Variants in PRDM16 observed in about 807,000 individuals in gnomAD.
PRDM16 encodes PR/SET domain 16.
A neutral mutation model predicts 110.6 loss-of-function variants in PRDM16; 23 were observed. The observed-to-expected ratio is 0.21, with a 90% CI of 0.15 to 0.29. PRDM16 has a LOEUF of 0.29. Ranked by LOEUF, PRDM16 falls within the 10% of genes least tolerant of loss-of-function variation. PRDM16 has a pLI of 1.00. For missense variants in PRDM16, 1,615 were observed against 1,794.3 expected (o/e 0.90, Z 1.81); for synonymous variants, 799 against 781.8 (o/e 1.02, Z -0.37).
chr1:3,092,470 G>A (rs992123729), intron 1 of PRDM16, among the ~76,000 whole-genome samples: 12 of 151,928 alleles, frequency 7.9e-5, no homozygotes, highest in Admixed American at 7.9e-4. Context: ...TCAGGATCGG[G>A]GCATTGTGAC....
intron 4 of PRDM16, among the ~76,000 whole-genome samples, chr1:3,388,627 C>A (rs1177339299): frequency 6.6e-6 from 1 of 152,120 alleles, no homozygotes; most frequent in African/African-American, 2.4e-5. Flanking sequence ...GGAGAGAGGC[C>A]GCTCTGAACT....
intron 16 of PRDM16, 72 bp downstream of exon 16, chr1:3,432,212 C>T: frequency 7.2e-7 from 1 of 1,384,520 alleles, no homozygotes; most frequent in Non-Finnish European, 1.0e-6. Flanking sequence ...GCACTCCTCT[C>T]CCGCCGTGGC....
intron 1 of PRDM16, among the ~76,000 whole-genome samples, chr1:3,152,011 C>T (rs935854259): frequency 6.6e-6 from 1 of 152,230 alleles, no homozygotes; most frequent in African/African-American, 2.4e-5. Flanking sequence ...CTTCCTGAAG[C>T]TGTGCTGGTC....
chr1:3,254,413 A>C (rs1640003414), intron 3 of PRDM16, among the ~76,000 whole-genome samples: 1 of 152,114 alleles, frequency 6.6e-6, no homozygotes, highest in Non-Finnish European at 1.5e-5. Context: ...AGAAAACCCC[A>C]TTGTCTCAGC....
chr1:3,228,120 G>T (rs1639333397), intron 2 of PRDM16, among the ~76,000 whole-genome samples: 1 of 152,254 alleles, frequency 6.6e-6, no homozygotes, highest in African/African-American at 2.4e-5. Flanking sequence ...GTGTGCGGGG[G>T]TCCTCCCTCT....
intron 1 of PRDM16, among the ~76,000 whole-genome samples, chr1:3,169,855 C>T (rs952939641): frequency 4.6e-5 from 7 of 152,214 alleles, no homozygotes; most frequent in East Asian, 3.9e-4. Flanking sequence ...GGGTCAGCGG[C>T]GAGCTAACGC....
rs1211624933 is a variant in PRDM16, at chr1:3,114,165, GCACACACACGCACACA to G, written c.37+44873_37+44888del. Among the ~76,000 whole-genome samples, 5 of 129,050 alleles carry G rather than the reference GCACACACACGCACACA, an allele frequency of 3.9e-5. No homozygotes were observed. The East Asian group carries it at 9.7e-4, about 25-fold the overall frequency. 84.7% of individuals were successfully genotyped at this position (129,050 alleles called of 152,430 possible). A position where few individuals can be genotyped will look rare whatever the true frequency, so the allele number is the denominator to read the frequency against. On this transcript the variant is annotated intron_variant, in intron 1 of 16. Coordinates refer to ENST00000270722, the MANE Select transcript of PRDM16 (RefSeq NM_022114.4). ...ACACTGCACACACGCACACACACAC[GCACACACACGCACACA>G]CACGCACACACGCACACGCACGCAC...
rs1028775693 is a variant in PRDM16, at chr1:3,082,108, A to G, written c.37+12812A>G. 2.0e-5 allele frequency among the ~76,000 whole-genome samples: 3 copies of G among 152,126 alleles called. 1 individual carries two copies. Among genetic ancestry groups the G allele is most frequent in the Admixed American group, 1.3e-4 (2 of 15,282 alleles). ...CACTTCCCAAATGAACTGAAGCTCCACCATGTTAGATGACCTTGGACCAAA... is the reference window on the plus strand; with the variant it reads ...CACTTCCCAAATGAACTGAAGCTCCGCCATGTTAGATGACCTTGGACCAAA... On this transcript the variant is annotated intron_variant, in intron 1 of 16. Coordinates refer to ENST00000270722, the MANE Select transcript of PRDM16 (RefSeq NM_022114.4).
chr1:3,365,169 G>T (rs902102180), intron 3 of PRDM16, among the ~76,000 whole-genome samples: 3 of 152,160 alleles, frequency 2.0e-5, no homozygotes. Flanking sequence ...ATGGCCCCCC[G>T]CCTGGAGCTT....
rs577650218 is a variant in PRDM16, at chr1:3,192,391, G to C, written c.387+5917G>C. ...CTTCCAGGCTCTGGATTAATGACCA[G>C]GCTCAGGGTGTTAGGAGGAGACCCT... is the stretch of plus-strand genomic sequence containing the variant. On this transcript the variant is annotated intron_variant, in intron 2 of 16. Coordinates refer to ENST00000270722, the MANE Select transcript of PRDM16 (RefSeq NM_022114.4). Among the ~76,000 whole-genome samples, 8 of 152,326 alleles carry C rather than the reference G, an allele frequency of 5.3e-5. No homozygotes were observed. In the East Asian group the frequency reaches 1.5e-3, roughly 29 times the overall value.
Position 3,187,263 on chromosome 1 carries a change from G to A in PRDM16, c.387+789G>A, listed in dbSNP as rs182979670. ...CCTGGTGGGCCCTGGCCCTTCTGCC[G>A]GCCTCACGCAGCCAATTGTCGGTGG... On this transcript the variant is annotated intron_variant, in intron 2 of 16. Transcript: ENST00000270722. Among the ~76,000 whole-genome samples, 401 of 152,316 alleles carry A rather than the reference G, an allele frequency of 2.6e-3. 3 individuals are homozygous for A. Among genetic ancestry groups the A allele is most frequent in the African/African-American group, 9.3e-3 (386 of 41,578 alleles).
chr1:3,428,719 G>A (rs1406450904), intron 14 of PRDM16, among the ~76,000 whole-genome samples: 1 of 152,200 alleles, frequency 6.6e-6, no homozygotes, highest in East Asian at 1.9e-4. Flanking sequence ...TCCTGGTCCT[G>A]CAGCCCCGTG....
At chr1:3,166,820 G>A (rs2100752531) in intron 1 of PRDM16, among the ~76,000 whole-genome samples, 1 of 152,324 alleles carries the variant, frequency 6.6e-6, no homozygotes, top group Non-Finnish European at 1.5e-5. Flanking sequence ...GTAAACTGGA[G>A]TTGCCATGAA....
chr1:3,296,698 A>AG (rs1367698805), intron 3 of PRDM16, among the ~76,000 whole-genome samples: 2 of 152,136 alleles, frequency 1.3e-5, no homozygotes, highest in East Asian at 3.9e-4. Flanking sequence ...GGATGCAGAG[A>AG]GGGGCTGAGT....
chr1:3,386,305 G>A (rs1382697324), intron 4 of PRDM16, among the ~76,000 whole-genome samples: 5 of 152,230 alleles, frequency 3.3e-5, no homozygotes, highest in Non-Finnish European at 5.9e-5. Flanking sequence ...GAACATTCCC[G>A]CGTAGCCTGT....
rs1412108157 is a variant in PRDM16, at chr1:3,143,963, G to T, written c.38-42162G>T. Among the ~76,000 whole-genome samples, 9 of 152,204 alleles carry T rather than the reference G, an allele frequency of 5.9e-5. No homozygotes were observed. ...GCTCCACAAGCACTTTTGAGGCCAGGGGGAAGATGCTAAGGGGTCCTCTTT... is the reference window on the plus strand; with the variant it reads ...GCTCCACAAGCACTTTTGAGGCCAGTGGGAAGATGCTAAGGGGTCCTCTTT... On this transcript the variant is annotated intron_variant, in intron 1 of 16. Coordinates refer to ENST00000270722, the MANE Select transcript of PRDM16 (RefSeq NM_022114.4). The surrounding 1 kb of genome is among the most constrained non-coding windows in gnomAD (Gnocchi z 4.5).
At chr1:3,378,269 A>T (rs1244901814) in intron 3 of PRDM16, among the ~76,000 whole-genome samples, 1 of 152,140 alleles carries the variant, frequency 6.6e-6, no homozygotes, top group African/African-American at 2.4e-5. Context: ...GTCAGATGCA[A>T]CTTGGGCAGC....
In PRDM16 at chr1:3,380,517, G is replaced by A. The variant is rs78723112; in HGVS notation, c.439-4635G>A. On this transcript the variant is annotated intron_variant, in intron 3 of 16. Coordinates refer to ENST00000270722, the MANE Select transcript of PRDM16 (RefSeq NM_022114.4). ...ACCCGCAGGGCAGCAAAGCCTGAGC[G>A]TGTACTCGGGACCAGGACCCCTGGG... Among the ~76,000 whole-genome samples the A allele has an allele frequency of 3.8e-4, 58 of 152,260 alleles. 1 individual carries two copies. The East Asian group carries it at 8.4e-3, about 22-fold the overall frequency.
At chr1:3,088,297 A>G (rs1642195359) in intron 1 of PRDM16, among the ~76,000 whole-genome samples, 1 of 151,746 alleles carries the variant, frequency 6.6e-6, no homozygotes, top group African/African-American at 2.4e-5. Flanking sequence ...AAAAATAATA[A>G]TAATAATAAA....
Sources: gnomAD v4.1 joint callset for allele counts (sites outside exome capture counted in the v4.1 genomes callset) on GRCh38, gnomAD v4.1.1 for gene constraint, Gnocchi (gnomAD v3.1) non-coding constraint, MANE v1.5 for transcripts, NCBI Gene and HGNC (gene_info 2026-07-23, HGNC 2026-07-21) for gene names.